Variants in ABTB3 observed in about 807,000 individuals in gnomAD.
ABTB3 encodes the protein ankyrin repeat- and BTB/POZ domain-containing protein 3.
the ABTB3 span, among the ~76,000 whole-genome samples, chr12:107,643,770 T>TTTTTTTTG: frequency 7.1e-6 from 1 of 140,264 alleles, no homozygotes; most frequent in African/African-American, 2.8e-5. Context: ...TTTTTTTTTT[T>TTTTTTTTG]GTTGAGAGAG....
chr12:107,546,516 A>T, the ABTB3 span, among the ~76,000 whole-genome samples: 1 of 152,156 alleles, frequency 6.6e-6, no homozygotes. Flanking sequence ...TCCCTGCTAG[A>T]CCACTGCCAC....
chr12:107,550,563 T>TTTTC, the ABTB3 span, among the ~76,000 whole-genome samples: 511 of 148,390 alleles, frequency 3.4e-3, 1 homozygote, highest in Non-Finnish European at 5.7e-3. Flanking sequence ...ATTCTTCTAA[T>TTTTC]TTTCTTTCTT....
At chr12:107,331,913 G>T in the ABTB3 span, among the ~76,000 whole-genome samples, 1 of 152,202 alleles carries the variant, frequency 6.6e-6, no homozygotes, top group Non-Finnish European at 1.5e-5. Flanking sequence ...TCCCCACCTG[G>T]GTCCGCTGGC....
chr12:107,480,264 AG>A, the ABTB3 span, among the ~76,000 whole-genome samples: 4 of 152,030 alleles, frequency 2.6e-5, no homozygotes, highest in Admixed American at 2.6e-4. Context: ...CTGATTGTGG[AG>A]GGCATTGCAT....
the ABTB3 span, among the ~76,000 whole-genome samples, chr12:107,453,488 C>T: frequency 6.6e-6 from 1 of 152,096 alleles, no homozygotes; most frequent in African/African-American, 2.4e-5. Context: ...AAAGAAAGTG[C>T]CAACTATGGG....
chr12:107,477,077 T>C, the ABTB3 span, among the ~76,000 whole-genome samples: 1 of 152,126 alleles, frequency 6.6e-6, no homozygotes, highest in Admixed American at 6.5e-5. Flanking sequence ...CTCAGGGACA[T>C]TAAAATGTCT....
chr12:107,481,271 A>G, the ABTB3 span, among the ~76,000 whole-genome samples: 18 of 152,170 alleles, frequency 1.2e-4, no homozygotes, highest in Admixed American at 6.5e-4. Context: ...CTGAGGGCTA[A>G]TGAGCCTCCT....
the ABTB3 span, among the ~76,000 whole-genome samples, chr12:107,428,265 C>A: frequency 6.6e-6 from 1 of 152,200 alleles, no homozygotes; most frequent in African/African-American, 2.4e-5. Flanking sequence ...TGTACATGGT[C>A]AGCATCCAGG....
the ABTB3 span, chr12:107,318,743 C>T: frequency 1.6e-6 from 1 of 613,762 alleles, no homozygotes. Flanking sequence ...GAAGATGACT[C>T]CAGGGTCTGC....
the ABTB3 span, among the ~76,000 whole-genome samples, chr12:107,382,811 G>A: frequency 7.9e-4 from 120 of 152,212 alleles, 1 homozygote; most frequent in East Asian, 8.9e-3. Flanking sequence ...CCTAATGTAG[G>A]TGATGGGTTG....
At chr12:107,332,079 G>A in the ABTB3 span, among the ~76,000 whole-genome samples, 2 of 152,252 alleles carry the variant, frequency 1.3e-5, no homozygotes, top group South Asian at 4.1e-4. Context: ...GTGTGCTGGG[G>A]TAGGAATTTC....
chr12:107,402,523 G>T, the ABTB3 span, among the ~76,000 whole-genome samples: 5 of 152,148 alleles, frequency 3.3e-5, no homozygotes, highest in African/African-American at 1.2e-4. Flanking sequence ...TCCTCACCTG[G>T]ATGGAAAGCC....
chr12:107,651,643 G>T, the ABTB3 span: 1 of 1,536,824 alleles, frequency 6.5e-7, no homozygotes, highest in Non-Finnish European at 9.0e-7. Context: ...CCACCTCCCA[G>T]CCTCTAACAG....
chr12:107,610,363 G>A, the ABTB3 span: 1 of 1,613,714 alleles, frequency 6.2e-7, no homozygotes, highest in Non-Finnish European at 8.5e-7. Flanking sequence ...CAGGTACAGG[G>A]TCCGAGGGTC....
chr12:107,479,679 C>A, the ABTB3 span, among the ~76,000 whole-genome samples: 178 of 152,156 alleles, frequency 1.2e-3, no homozygotes, highest in Non-Finnish European at 1.3e-4. Flanking sequence ...CCTAATGTCT[C>A]CCCAGAGCCT....
At chr12:107,383,219 A>G in the ABTB3 span, among the ~76,000 whole-genome samples, 1 of 152,206 alleles carries the variant, frequency 6.6e-6, no homozygotes, top group African/African-American at 2.4e-5. Flanking sequence ...CCACTCCAGA[A>G]GCCAGGCCTA....
chr12:107,615,154 G>A, the ABTB3 span: 3 of 1,611,344 alleles, frequency 1.9e-6, no homozygotes, highest in South Asian at 1.1e-5. Context: ...ACATATTCCT[G>A]TAGTTCAGGT....
chr12:107,614,574 G>A, the ABTB3 span, among the ~76,000 whole-genome samples: 55 of 152,220 alleles, frequency 3.6e-4, no homozygotes, highest in Non-Finnish European at 7.1e-4. Context: ...GTAGCTCCCA[G>A]AACCACCACC....
At chr12:107,338,046 A>G in the ABTB3 span, among the ~76,000 whole-genome samples, 1 of 152,182 alleles carries the variant, frequency 6.6e-6, no homozygotes, top group Non-Finnish European at 1.5e-5. Flanking sequence ...TTGTTGTTGG[A>G]AAGACCAGAA....
Sources: allele counts gnomAD v4.1 joint callset (sites outside exome capture counted in the v4.1 genomes callset), GRCh38; gene constraint gnomAD v4.1.1; transcripts MANE v1.5; gene names NCBI Gene and HGNC (gene_info 2026-07-23, HGNC 2026-07-21).